Variants in PCDH9 observed in about 807,000 individuals in gnomAD.
PCDH9 encodes the protein protocadherin 9.
Under a neutral mutation model 70.6 loss-of-function variants are expected in PCDH9, and 24 were observed. The ratio of observed to expected loss-of-function variants is 0.34; its 90% CI spans 0.25 to 0.48. The LOEUF is 0.48. Among genes scored for constraint, PCDH9 ranks in the 20% least tolerant of loss-of-function variants. The pLI is 0.99. For missense variants in PCDH9, 1,281 were observed against 1,503.6 expected (o/e 0.85, Z 2.45); for synonymous variants, 562 against 558.5 (o/e 1.01, Z -0.09).
intron 4 of PCDH9, among the ~76,000 whole-genome samples, chr13:66,345,303 C>CA (rs1956195659): frequency 6.6e-6 from 1 of 152,130 alleles, no homozygotes. Context: ...ATTTTATCAG[C>CA]AGAAGTACCA....
At chr13:66,845,406 T>C (rs1346072438) in intron 3 of PCDH9, among the ~76,000 whole-genome samples, 2 of 152,194 alleles carry the variant, frequency 1.3e-5, no homozygotes, top group Non-Finnish European at 2.9e-5. Flanking sequence ...TGCTTTGAGA[T>C]CTGGCGCGGG....
At chr13:66,410,509 C>G (rs1566304648) in intron 4 of PCDH9, among the ~76,000 whole-genome samples, 1 of 152,134 alleles carries the variant, frequency 6.6e-6, no homozygotes, top group Non-Finnish European at 1.5e-5. Context: ...ATTTTTAGGG[C>G]CAGATGTTAC....
chr13:67,038,811 G>A (rs1256023661), intron 2 of PCDH9, among the ~76,000 whole-genome samples: 1 of 152,126 alleles, frequency 6.6e-6, no homozygotes, highest in African/African-American at 2.4e-5. Context: ...TTGGGTCTTT[G>A]CCCTGGTTCC....
intron 2 of PCDH9, among the ~76,000 whole-genome samples, chr13:67,181,946 C>T (rs1032750619): frequency 2.6e-5 from 4 of 152,210 alleles, no homozygotes; most frequent in Non-Finnish European, 4.4e-5. Flanking sequence ...TAGGACACTA[C>T]AGTCCCCAGT....
chr13:66,497,620 T>C (rs112772389), intron 4 of PCDH9, among the ~76,000 whole-genome samples: 6 of 152,238 alleles, frequency 3.9e-5, no homozygotes, highest in African/African-American at 1.4e-4. Flanking sequence ...AATGCTACAT[T>C]TTAATGATGA....
intron 3 of PCDH9, among the ~76,000 whole-genome samples, chr13:66,777,851 T>C (rs1425666919): frequency 6.6e-6 from 1 of 152,128 alleles, no homozygotes; most frequent in African/African-American, 2.4e-5. Context: ...CTTGCGGCAC[T>C]ATTCACAATA....
chr13:66,432,819 C>A (rs1419035951), intron 4 of PCDH9, among the ~76,000 whole-genome samples: 2 of 152,024 alleles, frequency 1.3e-5, no homozygotes, highest in East Asian at 3.9e-4. Flanking sequence ...ATAGTGAATA[C>A]CATTTAGTCT....
intron 4 of PCDH9, among the ~76,000 whole-genome samples, chr13:66,571,626 G>A (rs2076734426): frequency 2.0e-5 from 3 of 151,978 alleles, no homozygotes; most frequent in South Asian, 4.2e-4. Context: ...TAGTTCAACG[G>A]CTAAAAGACT....
intron 4 of PCDH9, among the ~76,000 whole-genome samples, chr13:66,574,600 C>T (rs1295572082): frequency 6.6e-6 from 1 of 152,152 alleles, no homozygotes; most frequent in Non-Finnish European, 1.5e-5. Flanking sequence ...AATTTCCACA[C>T]TTAATGCATC....
At chr13:67,067,642 TAAAAC>T (rs1289647874) in intron 2 of PCDH9, among the ~76,000 whole-genome samples, 3 of 151,502 alleles carry the variant, frequency 2.0e-5, no homozygotes, top group African/African-American at 4.8e-5. Context: ...CCAAAGCTAA[TAAAAC>T]AAAACAACAA....
At chr13:66,935,785 A>G (rs1439035479) in intron 2 of PCDH9, among the ~76,000 whole-genome samples, 3 of 152,284 alleles carry the variant, frequency 2.0e-5, no homozygotes, top group East Asian at 3.9e-4. Context: ...TATTAATTAT[A>G]AAATATATTT....
intron 2 of PCDH9, among the ~76,000 whole-genome samples, chr13:67,067,980 T>C (rs1194512403): frequency 6.6e-6 from 1 of 152,170 alleles, no homozygotes; most frequent in East Asian, 1.9e-4. Context: ...GATGACAGCA[T>C]GTAGTTTTGA....
At chr13:66,376,499 C>G (rs1357230247) in intron 4 of PCDH9, among the ~76,000 whole-genome samples, 1 of 152,016 alleles carries the variant, frequency 6.6e-6, no homozygotes, top group Admixed American at 6.6e-5. Flanking sequence ...TTAATATTGA[C>G]TTTGACTTTA....
At chr13:66,596,265 C>T (rs906746135) in intron 4 of PCDH9, among the ~76,000 whole-genome samples, 1 of 151,638 alleles carries the variant, frequency 6.6e-6, no homozygotes, top group Non-Finnish European at 1.5e-5. Context: ...TACAGGCCTT[C>T]ATTAAACTTA....
chr13:66,895,720 TTTA>T (rs1013194485), intron 3 of PCDH9, among the ~76,000 whole-genome samples: 5 of 152,222 alleles, frequency 3.3e-5, no homozygotes, highest in African/African-American at 1.2e-4. Flanking sequence ...TCTGATATTA[TTTA>T]TTATCATTTC....
chr13:66,940,695 G>A (rs917353367), intron 2 of PCDH9, among the ~76,000 whole-genome samples: 5 of 151,756 alleles, frequency 3.3e-5, no homozygotes, highest in Non-Finnish European at 7.4e-5. Flanking sequence ...AAACAGATTG[G>A]TCATAATTAC....
At chr13:67,134,321 A>G (rs551879315) in intron 2 of PCDH9, among the ~76,000 whole-genome samples, 1 of 152,140 alleles carries the variant, frequency 6.6e-6, no homozygotes, top group Admixed American at 6.6e-5. Flanking sequence ...TAAAAACACA[A>G]ACTTGTAATA....
chr13:67,069,043 T>A (rs1478531372), intron 2 of PCDH9, among the ~76,000 whole-genome samples: 1 of 152,216 alleles, frequency 6.6e-6, no homozygotes, highest in Non-Finnish European at 1.5e-5. Context: ...CCTGACATTT[T>A]AAGATTGGGA....
At chr13:66,933,238 A>G (rs963244290) in intron 2 of PCDH9, among the ~76,000 whole-genome samples, 2 of 152,140 alleles carry the variant, frequency 1.3e-5, no homozygotes, top group African/African-American at 4.8e-5. Context: ...CTTTCTTCTT[A>G]ATAATCCAGG....
Sources: gnomAD v4.1 joint callset for allele counts (sites outside exome capture counted in the v4.1 genomes callset) on GRCh38, gnomAD v4.1.1 for gene constraint, MANE v1.5 for transcripts, NCBI Gene and HGNC (gene_info 2026-07-23, HGNC 2026-07-21) for gene names.